The following FGGY variants were observed in gnomAD, a reference collection of about 807,000 sequenced individuals.
FGGY encodes FGGY carbohydrate kinase domain containing.
In FGGY, 72 loss-of-function variants were observed where a neutral mutation model predicts 71.3. The observed-to-expected ratio is 1.01, with a 90% CI of 0.84 to 1.23. FGGY has a LOEUF of 1.23. Ranked by LOEUF, FGGY falls within the 50% of genes most tolerant of loss-of-function variation. The probability of loss-of-function intolerance (pLI) is 0.00; values close to 1 mark genes in which losing one functional copy is unlikely to be tolerated. For missense variants in FGGY, 668 were observed against 682.3 expected (o/e 0.98, Z 0.23); for synonymous variants, 251 against 250.3 (o/e 1.00, Z -0.02).
rs549107627 is a variant in FGGY at position 59,697,040 on chromosome 1, G to A, written c.1512+22907G>A. ...ATGTACTGCTTTCCAGAAAAGTGGC[G>A]AGGAAATACCACAAAAATACCTTTA... On this transcript the variant is annotated intron_variant, in intron 14 of 15. Coordinates refer to ENST00000303721, the MANE Select transcript of FGGY (RefSeq NM_018291.5). 3.9e-5 allele frequency among the ~76,000 whole-genome samples: 6 copies of A among 151,960 alleles called. 1 individual carries two copies. The East Asian group carries it at 7.7e-4, about 20-fold the overall frequency.
At chr1:59,490,881 G>C (rs895024121) in intron 6 of FGGY, among the ~76,000 whole-genome samples, 17 of 151,948 alleles carry the variant, frequency 1.1e-4, no homozygotes, top group African/African-American at 3.9e-4. Flanking sequence ...CCATTGGTCT[G>C]TGTGTCTGTT....
At chr1:59,725,398 G>T (rs1019189609) in intron 14 of FGGY, among the ~76,000 whole-genome samples, 2 of 152,026 alleles carry the variant, frequency 1.3e-5, no homozygotes, top group Non-Finnish European at 2.9e-5. Context: ...CATGAAGTTG[G>T]GTAGTGTCAG....
chr1:59,678,552 G>A (rs2097459046), intron 14 of FGGY, among the ~76,000 whole-genome samples: 1 of 152,188 alleles, frequency 6.6e-6, no homozygotes, highest in African/African-American at 2.4e-5. Context: ...ACAAGAAGCA[G>A]TTTCAAGTCG....
At chr1:59,439,289 T>G (rs1207421861) in intron 5 of FGGY, among the ~76,000 whole-genome samples, 3 of 152,234 alleles carry the variant, frequency 2.0e-5, no homozygotes, top group African/African-American at 7.2e-5. Flanking sequence ...TGGTTTTGTT[T>G]AAACAAGACC....
chr1:59,470,097 T>C lies in FGGY; in HGVS notation c.670+13021T>C, dbSNP rs371398767. Among the ~76,000 whole-genome samples the C allele has an allele frequency of 1.7e-4, 26 of 152,306 alleles. 2 individuals carry two copies. The highest frequency in any genetic ancestry group is 6.3e-4 in the African/African-American group (26 of 41,568). On this transcript the variant is annotated intron_variant, in intron 6 of 15. Coordinates refer to ENST00000303721, the MANE Select transcript of FGGY (RefSeq NM_018291.5). Reference sequence around the variant, plus strand: ...GTCTTTATAATAGAATGATCTATATTCTTTGGGGTATATACCCAGTAATGA... The same window carrying C: ...GTCTTTATAATAGAATGATCTATATCCTTTGGGGTATATACCCAGTAATGA...
chr1:59,692,253 A>G (rs1240007862), intron 14 of FGGY, among the ~76,000 whole-genome samples: 1 of 152,186 alleles, frequency 6.6e-6, no homozygotes, highest in Non-Finnish European at 1.5e-5. Context: ...GTAAATAATC[A>G]TTGCTATTAT....
At chr1:59,637,688 A>G (rs2096975321) in intron 10 of FGGY, among the ~76,000 whole-genome samples, 1 of 152,204 alleles carries the variant, frequency 6.6e-6, no homozygotes, top group Non-Finnish European at 1.5e-5. Flanking sequence ...TCCTAACTGC[A>G]TTTATGACAT....
At chr1:59,407,140 G>A (rs1258996223) in intron 5 of FGGY, among the ~76,000 whole-genome samples, 2 of 152,200 alleles carry the variant, frequency 1.3e-5, no homozygotes, top group African/African-American at 4.8e-5. Context: ...CCACCTGCAG[G>A]TTGGGTCCTC....
Position 59,488,481 on chromosome 1 carries a change from A to G in FGGY, c.671-23830A>G, listed in dbSNP as rs190198483. On this transcript the variant is annotated intron_variant, in intron 6 of 15. Coordinates refer to ENST00000303721, the MANE Select transcript of FGGY (RefSeq NM_018291.5). ...TGTATATTTTCTGTCTTTTTGATGT[A>G]TGTGTATATGTGTGTGTATATATAT... is the stretch of plus-strand genomic sequence containing the variant. Among the ~76,000 whole-genome samples the G allele has an allele frequency of 4.1e-4, 61 of 148,858 alleles. No individual in the cohort carries two copies. The East Asian group carries it at 0.01, about 26-fold the overall frequency.
At chr1:59,739,069 A>T (rs1051947676) in intron 14 of FGGY, among the ~76,000 whole-genome samples, 2 of 152,204 alleles carry the variant, frequency 1.3e-5, no homozygotes, top group African/African-American at 4.8e-5. Context: ...GCATTCCTGA[A>T]AACTTAACTT....
chr1:59,341,522 T>A (rs1304366857), intron 3 of FGGY, among the ~76,000 whole-genome samples: 1 of 152,182 alleles, frequency 6.6e-6, no homozygotes, highest in Non-Finnish European at 1.5e-5. Flanking sequence ...CACACACACT[T>A]TTTTCCCTCT....
chr1:59,737,958 G>A (rs924237455), intron 14 of FGGY, among the ~76,000 whole-genome samples: 1 of 152,138 alleles, frequency 6.6e-6, no homozygotes, highest in Non-Finnish European at 1.5e-5. Context: ...ATGGGGGCGA[G>A]AGCAAACTGA....
chr1:59,328,689 C>G lies in FGGY; in HGVS notation c.201+6939C>G, dbSNP rs142487932. The stretch of plus-strand genomic sequence containing the variant: ...CTATGCCTACTTGACTAAGCTTAAT[C>G]ATTTCTAGCTTTACATTTAAAGTGA... On this transcript the variant is annotated intron_variant, in intron 2 of 15. Coordinates refer to ENST00000303721, the MANE Select transcript of FGGY (RefSeq NM_018291.5). Among the ~76,000 whole-genome samples the G allele has an allele frequency of 1.8e-3, 277 of 152,246 alleles. 3 individuals carry two copies. The highest frequency in any genetic ancestry group is 5.8e-3 in the African/African-American group (242 of 41,540).
At chr1:59,423,907 C>T (rs190957069) in intron 5 of FGGY, among the ~76,000 whole-genome samples, 203 of 152,378 alleles carry the variant, frequency 1.3e-3, no homozygotes, top group Admixed American at 3.5e-3. Flanking sequence ...TAGCACAACT[C>T]TACCACCTTG....
chr1:59,584,000 G>C (rs558930901), intron 8 of FGGY, among the ~76,000 whole-genome samples: 2 of 149,410 alleles, frequency 1.3e-5, no homozygotes, highest in East Asian at 3.9e-4. Context: ...TAAAAGACCA[G>C]GTGAAATTGA....
At chr1:59,658,471 T>C (rs1479603835) in intron 11 of FGGY, among the ~76,000 whole-genome samples, 2 of 152,220 alleles carry the variant, frequency 1.3e-5, no homozygotes, top group Non-Finnish European at 2.9e-5. Context: ...AGAAAAACTG[T>C]CAGCAGGTAG....
chr1:59,503,632 T>A (rs1287504966), intron 6 of FGGY, among the ~76,000 whole-genome samples: 1 of 145,830 alleles, frequency 6.9e-6, no homozygotes, highest in Non-Finnish European at 1.5e-5. Context: ...ATATGTATTA[T>A]ATATATAATA....
intron 14 of FGGY, among the ~76,000 whole-genome samples, chr1:59,733,639 T>C (rs1026873261): frequency 6.6e-6 from 1 of 152,128 alleles, no homozygotes; most frequent in African/African-American, 2.4e-5. Flanking sequence ...GCAACATTAT[T>C]TCTCTTGATT....
intron 5 of FGGY, among the ~76,000 whole-genome samples, chr1:59,397,306 G>A (rs995715386): frequency 1.3e-5 from 2 of 152,166 alleles, no homozygotes; most frequent in Non-Finnish European, 2.9e-5. Flanking sequence ...TGGGACAAGG[G>A]ACGTGGCGTT....
Sources: gnomAD v4.1 joint callset for allele counts (sites outside exome capture counted in the v4.1 genomes callset) on GRCh38, gnomAD v4.1.1 for gene constraint, MANE v1.5 for transcripts, NCBI Gene and HGNC (gene_info 2026-07-23, HGNC 2026-07-21) for gene names.